Variants in ERC1 observed in about 807,000 individuals in gnomAD.
The protein encoded by ERC1 is RAB6 interacting protein 2.
Under a neutral mutation model 132.0 loss-of-function variants are expected in ERC1, and 56 were observed. The observed-to-expected ratio is 0.42, with a 90% CI of 0.34 to 0.53. ERC1 has a LOEUF of 0.53. Ranked by LOEUF, ERC1 falls within the 20% of genes least tolerant of loss-of-function variation. ERC1 has a pLI of 0.03. For synonymous variants in ERC1, 478 were observed against 476.1 expected (o/e 1.00, Z -0.05); for missense variants, 1,202 against 1,349.9 (o/e 0.89, Z 1.72).
chr12:1,247,994 C>T (rs532527956), intron 13 of ERC1, among the ~76,000 whole-genome samples: 1 of 151,958 alleles, frequency 6.6e-6, no homozygotes, highest in African/African-American at 2.4e-5. Flanking sequence ...AAAACTGCAT[C>T]TCAAAAAAAT....
chr12:1,441,379 A>C (rs1592088417), intron 17 of ERC1, among the ~76,000 whole-genome samples: 1 of 152,178 alleles, frequency 6.6e-6, no homozygotes, highest in East Asian at 1.9e-4. Flanking sequence ...TTGTTTATTA[A>C]GAATAAGGAT....
chr12:1,484,492 G>T (rs891109149), intron 18 of ERC1, among the ~76,000 whole-genome samples: 3 of 152,078 alleles, frequency 2.0e-5, no homozygotes, highest in Non-Finnish European at 2.9e-5. Flanking sequence ...TGTCCCACAG[G>T]TCGTTGCTCT....
At chr12:1,140,418 T>A (rs1181680678) in intron 7 of ERC1, among the ~76,000 whole-genome samples, 1 of 152,186 alleles carries the variant, frequency 6.6e-6, no homozygotes. Flanking sequence ...ATTATACTTA[T>A]GCTTACTGGT....
At chr12:1,358,723 G>T (rs2085780440) in intron 15 of ERC1, among the ~76,000 whole-genome samples, 1 of 152,176 alleles carries the variant, frequency 6.6e-6, no homozygotes, top group African/African-American at 2.4e-5. Flanking sequence ...CTTGGGTTCT[G>T]CAGGGGAAAG....
At chr12:1,239,616 G>T (rs1176780987) in intron 13 of ERC1, among the ~76,000 whole-genome samples, 1 of 152,120 alleles carries the variant, frequency 6.6e-6, no homozygotes, top group African/African-American at 2.4e-5. Context: ...TACTGTAGAG[G>T]CTGAGACTGG....
chr12:1,280,380 A>C (rs2078596661), intron 14 of ERC1, among the ~76,000 whole-genome samples: 1 of 152,204 alleles, frequency 6.6e-6, no homozygotes, highest in African/African-American at 2.4e-5. Flanking sequence ...TCATGTCCCA[A>C]GCCCTATTTG....
At chr12:1,066,022 A>C (rs1272504530) in intron 2 of ERC1, among the ~76,000 whole-genome samples, 1 of 152,238 alleles carries the variant, frequency 6.6e-6, no homozygotes, top group East Asian at 1.9e-4. Flanking sequence ...AGAATGAGGA[A>C]TGGGAAGAAA....
At chr12:1,302,387 A>T (rs1311388711) in intron 15 of ERC1, among the ~76,000 whole-genome samples, 1 of 152,204 alleles carries the variant, frequency 6.6e-6, no homozygotes, top group Admixed American at 6.5e-5. Context: ...AGCTGACATC[A>T]TACCTAATGA....
At chr12:1,226,708 ACTCT>A (rs2074604568) in intron 12 of ERC1, among the ~76,000 whole-genome samples, 2 of 151,840 alleles carry the variant, frequency 1.3e-5, no homozygotes, top group Admixed American at 1.3e-4. Context: ...AAACAGTCTC[ACTCT>A]GTCACCCAGG....
intron 7 of ERC1, among the ~76,000 whole-genome samples, chr12:1,131,690 C>T (rs1453634607): frequency 6.6e-6 from 1 of 152,154 alleles, no homozygotes; most frequent in Non-Finnish European, 1.5e-5. Context: ...TGGTCTCGAT[C>T]TCCTGACCTT....
At chr12:1,008,336 A>G (rs1164285827) in intron 1 of ERC1, among the ~76,000 whole-genome samples, 1 of 152,260 alleles carries the variant, frequency 6.6e-6, no homozygotes, top group African/African-American at 2.4e-5. Flanking sequence ...AGCCACATTA[A>G]AGAGTAAAAA....
At chr12:1,413,592 C>CAAAAAAAAGAAAAGGTA (rs2091958578) in intron 17 of ERC1, among the ~76,000 whole-genome samples, 2 of 150,184 alleles carry the variant, frequency 1.3e-5, no homozygotes. Context: ...AGACAGTCTC[C>CAAAAAAAAGAAAAGGTA]AAAAAAAAGA....
intron 2 of ERC1, among the ~76,000 whole-genome samples, chr12:1,073,982 A>G (rs943138386): frequency 6.9e-5 from 10 of 144,140 alleles, no homozygotes; most frequent in African/African-American, 2.6e-4. Flanking sequence ...CTCCTGCCTT[A>G]GCCTCCTGAG....
intron 15 of ERC1, among the ~76,000 whole-genome samples, chr12:1,322,577 C>G (rs1254525551): frequency 6.6e-6 from 1 of 152,044 alleles, no homozygotes; most frequent in African/African-American, 2.4e-5. Flanking sequence ...TTACACAAAC[C>G]CATGCCAGAG....
chr12:1,156,561 G>A (rs1157702026), intron 8 of ERC1, among the ~76,000 whole-genome samples: 1 of 152,090 alleles, frequency 6.6e-6, no homozygotes, highest in African/African-American at 2.4e-5. Flanking sequence ...GTAGTATAAC[G>A]CATAATGACA....
intron 18 of ERC1, among the ~76,000 whole-genome samples, chr12:1,485,197 A>ATTT (rs1228695719): frequency 2.2e-4 from 21 of 97,532 alleles, no homozygotes; most frequent in African/African-American, 4.6e-4. Context: ...TCAAGTTTAT[A>ATTT]TTTCTTTTTT....
At chr12:1,302,157 C>A (rs560137841) in intron 15 of ERC1, among the ~76,000 whole-genome samples, 1 of 152,216 alleles carries the variant, frequency 6.6e-6, no homozygotes, top group Non-Finnish European at 1.5e-5. Context: ...ATATCACAAC[C>A]AGGTTGGCCT....
intron 15 of ERC1, among the ~76,000 whole-genome samples, chr12:1,320,842 C>G (rs1216797885): frequency 2.0e-5 from 3 of 152,180 alleles, no homozygotes; most frequent in Non-Finnish European, 2.9e-5. Flanking sequence ...GCTGGGACTA[C>G]AGGCGCCCGC....
intron 17 of ERC1, among the ~76,000 whole-genome samples, chr12:1,416,468 A>G (rs1176709908): frequency 1.3e-5 from 2 of 152,210 alleles, no homozygotes. Context: ...CTGTCCTTCC[A>G]TTGGTTCCAT....
Sources: allele counts gnomAD v4.1 joint callset (sites outside exome capture counted in the v4.1 genomes callset), GRCh38; gene constraint gnomAD v4.1.1; transcripts MANE v1.5; gene names NCBI Gene and HGNC (gene_info 2026-07-23, HGNC 2026-07-21).